Variants in SLCO4C1 observed in about 807,000 individuals in gnomAD.
SLCO4C1 encodes solute carrier organic anion transporter family member 4C1.
SLCO4C1 carries 58 observed loss-of-function variants against 72.1 expected under a neutral mutation model. The ratio of observed to expected loss-of-function variants is 0.80; its 90% CI spans 0.65 to 1.00. SLCO4C1 has a LOEUF of 1.00. Among genes scored for constraint, SLCO4C1 ranks in the 50% least tolerant of loss-of-function variants. SLCO4C1 has a pLI of 0.00. For synonymous variants in SLCO4C1, 297 were observed against 312.5 expected (o/e 0.95, Z 0.52); for missense variants, 898 against 857.9 (o/e 1.05, Z -0.58).
rs1561362254 is a variant in SLCO4C1, at chr5:102,235,796, A to T, written c.*1062T>A. ...TGATGGTCTGAGGTGGAGCAGTTTC[A>T]TCTCAAAACCATACCTTCTTCCCCC... is the stretch of plus-strand genomic sequence containing the variant. On this transcript the variant is annotated 3_prime_UTR_variant, in exon 13 of 13. Transcript: ENST00000310954. The T allele has an allele frequency of 6.6e-6, 1 of 152,244 alleles. No homozygotes were observed. The highest frequency in any genetic ancestry group is 1.5e-5 in the Non-Finnish European group (1 of 68,042). 9.4% of individuals were successfully genotyped at this position (152,244 alleles called of 1,614,324 possible). A position where few individuals can be genotyped will look rare whatever the true frequency, so the allele number is the denominator to read the frequency against.
intron 2 of SLCO4C1, among the ~76,000 whole-genome samples, chr5:102,271,694 T>G (rs1040296605): frequency 6.6e-6 from 1 of 152,092 alleles, no homozygotes; most frequent in Non-Finnish European, 1.5e-5. Flanking sequence ...ACTTGCATTT[T>G]TTTCTGTGAA....
rs776155773 is a variant in SLCO4C1 at position 102,295,981 on chromosome 5, A to T, written c.282T>A (p.His94Gln). The T allele has an allele frequency of 1.1e-4, 173 of 1,614,114 alleles. No individual in the cohort carries two copies. The highest frequency in any genetic ancestry group is 1.4e-4 in the Non-Finnish European group (171 of 1,180,052). Residue 94 changes from histidine (H) to glutamine (Q), a missense_variant, in exon 1 of 13, where the codon CAT becomes CAA. Physicochemically the swap from His to Gln is conservative, Grantham distance 24. Coordinates refer to ENST00000310954, the MANE Select transcript of SLCO4C1 (RefSeq NM_180991.5). ...EEGSYGWRNF[H>Q]PQCLQRCNTP... ...TGTTGCAGCGCTGGAGACATTGAGG[A>T]TGGAAGTTCCTCCAGCCGTAAGACC...
chr5:102,250,702 G>GT (rs1245567804), intron 8 of SLCO4C1, among the ~76,000 whole-genome samples: 3 of 152,124 alleles, frequency 2.0e-5, no homozygotes, highest in African/African-American at 7.2e-5. Context: ...TAAAAAATGA[G>GT]TAAGAGGCTG....
At chr5:102,292,066 C>A (rs1366325475) in intron 1 of SLCO4C1, among the ~76,000 whole-genome samples, 2 of 152,090 alleles carry the variant, frequency 1.3e-5, no homozygotes, top group Non-Finnish European at 2.9e-5. Flanking sequence ...CTCAGGTGAT[C>A]CACCCGCCTC....
intron 11 of SLCO4C1, among the ~76,000 whole-genome samples, chr5:102,240,263 G>T (rs1748513588): frequency 6.6e-6 from 1 of 151,950 alleles, no homozygotes. Context: ...CTTGTAATTT[G>T]TCCTGTACCT....
chr5:102,249,411 A>G (rs1748695530), intron 9 of SLCO4C1, among the ~76,000 whole-genome samples: 1 of 152,218 alleles, frequency 6.6e-6, no homozygotes, highest in South Asian at 2.1e-4. Flanking sequence ...TAACTGCAAC[A>G]AAGTGATGTT....
At chr5:102,275,084 C>T (rs779304411) in intron 2 of SLCO4C1, among the ~76,000 whole-genome samples, 12 of 151,736 alleles carry the variant, frequency 7.9e-5, no homozygotes, top group Admixed American at 4.6e-4. Flanking sequence ...GAAATGTGAA[C>T]ACATAGTTCA....
intron 2 of SLCO4C1, among the ~76,000 whole-genome samples, chr5:102,282,365 T>C (rs1749373583): frequency 6.6e-6 from 1 of 151,974 alleles, no homozygotes; most frequent in African/African-American, 2.4e-5. Context: ...AGAAAAACAG[T>C]ACGACAATTC....
Position 102,247,409 on chromosome 5 carries a change from T to G in SLCO4C1, c.1654A>C (p.Thr552Pro), listed in dbSNP as rs138671759. ...GTTTCTGCAGTGGATGTTATTTCTG[T>G]TTTCCTTTCAATACAGGAACAGTTG... is the stretch of plus-strand genomic sequence containing the variant. Reference protein sequence around the residue: ...YYNCSCIERKTEITSTAETFG... With the variant: ...YYNCSCIERKPEITSTAETFG... The change falls in exon 10 of 13, where the codon ACA (threonine) becomes CCA (proline). Residue 552 changes from threonine (T) to proline (P), a missense_variant. Coordinates refer to ENST00000310954, the MANE Select transcript of SLCO4C1 (RefSeq NM_180991.5). 658 of 1,585,154 alleles carry G rather than the reference T, an allele frequency of 4.2e-4. No homozygotes were observed. Among genetic ancestry groups the G allele is most frequent in the Non-Finnish European group, 5.3e-4 (611 of 1,159,362 alleles).
chr5:102,292,968 T>A (rs1749583353), intron 1 of SLCO4C1, among the ~76,000 whole-genome samples: 1 of 152,024 alleles, frequency 6.6e-6, no homozygotes. Context: ...TTAGGTATGA[T>A]AAATTGTTTT....
chr5:102,278,757 A>G (rs1486077629), intron 2 of SLCO4C1, among the ~76,000 whole-genome samples: 1 of 152,086 alleles, frequency 6.6e-6, no homozygotes, highest in East Asian at 1.9e-4. Context: ...TGGGTCAAAA[A>G]GGAAGTCTCT....
intron 2 of SLCO4C1, among the ~76,000 whole-genome samples, chr5:102,271,987 C>T (rs111328668): frequency 5.9e-5 from 9 of 152,124 alleles, no homozygotes; most frequent in Admixed American, 1.3e-4. Context: ...CCCAGGTGAT[C>T]GCAATAAGCC....
At chr5:102,238,397 G>C (rs1015850959) in intron 12 of SLCO4C1, among the ~76,000 whole-genome samples, 3 of 152,010 alleles carry the variant, frequency 2.0e-5, no homozygotes, top group African/African-American at 7.2e-5. Context: ...GATTAATTTT[G>C]CCTATACTTG....
chr5:102,252,744 A>G (rs1388258151), intron 8 of SLCO4C1, among the ~76,000 whole-genome samples: 1 of 152,180 alleles, frequency 6.6e-6, no homozygotes, highest in Non-Finnish European at 1.5e-5. Context: ...GGGTGGTCAC[A>G]TTAGTCTACA....
chr5:102,237,012 G>A lies in SLCO4C1; in HGVS notation c.2021C>T (p.Thr674Ile), dbSNP rs751410718. ...GAAGAACATGGTGATAACTTTACAA[G>A]TAACACCTAAGTGAAAAAAAAAATT... Reference protein sequence around the residue: ...MAHMLVAISVTCKVITMFFNG... With the variant: ...MAHMLVAISVICKVITMFFNG... The change falls in exon 13 of 13, where the codon ACT becomes ATT. Residue 674 changes from threonine to isoleucine, a missense_variant. Transcript: ENST00000310954. 4 of 1,587,066 alleles carry A rather than the reference G, an allele frequency of 2.5e-6. No homozygotes were observed. Among genetic ancestry groups the A allele is most frequent in the East Asian group, 2.3e-5 (1 of 44,370 alleles).
Position 102,247,279 on chromosome 5 carries a change from C to A in SLCO4C1, c.1784G>T (p.Gly595Val). The A allele has an allele frequency of 1.9e-6, 3 of 1,570,450 alleles. No homozygotes were observed. The highest frequency in any genetic ancestry group is 2.6e-6 in the Non-Finnish European group (3 of 1,150,148). ...TAGGATAGACACAGTTATAGGAGTA[C>A]CGGCCATAAAGGTAAAAATAATTAC... The part of the protein sequence containing the change: ...FIVIIFTFMA[G>V]TPITVSILRC... The change falls in exon 10 of 13, where the codon GGT (glycine) becomes GTT (valine). Residue 595 changes from glycine (G) to valine (V), a missense_variant. Coordinates refer to ENST00000310954, the MANE Select transcript of SLCO4C1 (RefSeq NM_180991.5).
rs540437331 is a variant in SLCO4C1, at chr5:102,236,625, T to C, written c.*233A>G. 4.8e-4 allele frequency: 198 copies of C among 411,678 alleles called. No individual in the cohort carries two copies. Among genetic ancestry groups the C allele is most frequent in the Non-Finnish European group, 6.6e-4 (151 of 228,888 alleles). The allele number at this position is 411,678 out of a possible 1,614,324, so 25.5% of individuals were successfully genotyped here. On this transcript the variant is annotated 3_prime_UTR_variant, in exon 13 of 13. Transcript: ENST00000310954. ...GTGTTCGTGTGTGTGTGTGTGTGTG[T>C]GCTCGTGTGTGTGTGTGCTGTGTTT...
intron 1 of SLCO4C1, among the ~76,000 whole-genome samples, chr5:102,292,424 T>G (rs894089468): frequency 2.0e-5 from 3 of 152,158 alleles, no homozygotes; most frequent in African/African-American, 7.2e-5. Flanking sequence ...TGACAAGAGA[T>G]AACTTTGACT....
At chr5:102,242,589 C>T (rs1429469322) in intron 10 of SLCO4C1, among the ~76,000 whole-genome samples, 1 of 152,128 alleles carries the variant, frequency 6.6e-6, no homozygotes, top group Non-Finnish European at 1.5e-5. Flanking sequence ...TTTCTAGACA[C>T]ATTTTGGGCC....
Sources: gnomAD v4.1 joint callset for allele counts (sites outside exome capture counted in the v4.1 genomes callset) on GRCh38, gnomAD v4.1.1 for gene constraint, MANE v1.5 for transcripts, NCBI Gene and HGNC (gene_info 2026-07-23, HGNC 2026-07-21) for gene names.